The following UBP1 variants were observed in gnomAD, a reference collection of about 807,000 sequenced individuals.
UBP1 encodes the protein upstream-binding protein 1.
UBP1 carries 22 observed loss-of-function variants against 76.1 expected under a neutral mutation model. That is an observed-to-expected ratio of 0.29 (90% CI 0.21 to 0.41). UBP1 has a LOEUF of 0.41. Ranked by LOEUF, UBP1 falls within the 10% of genes least tolerant of loss-of-function variation. UBP1 has a pLI of 1.00. For missense variants in UBP1, 436 were observed against 668.1 expected (o/e 0.65, Z 3.83); for synonymous variants, 224 against 237.1 (o/e 0.94, Z 0.51).
intron 1 of UBP1, among the ~76,000 whole-genome samples, chr3:33,437,253 G>T (rs1487627008): frequency 6.6e-6 from 1 of 151,576 alleles, no homozygotes; most frequent in Non-Finnish European, 1.5e-5. Context: ...AGAGAAAGGG[G>T]TGGGGGGAAA....
intron 3 of UBP1, chr3:33,415,988 T>C (rs1443562793): frequency 2.0e-5 from 3 of 152,198 alleles, no homozygotes. Context: ...ACCACAAGGC[T>C]GCCCTTCCCA....
In UBP1 at chr3:33,389,389, CAAT is replaced by C. The variant is rs1239956588; in HGVS notation, c.*939_*941del. ...TTAACACCTAGTCAGAAGCTATCAA[CAAT>C]AATACTTTCTCCCCCTACTTGGGTC... On this transcript the variant is annotated 3_prime_UTR_variant, in exon 16 of 16. Transcript: ENST00000283629. The C allele has an allele frequency of 7.4e-6, 1 of 134,906 alleles. No individual in the cohort carries two copies. Among genetic ancestry groups the C allele is most frequent in the African/African-American group, 2.8e-5 (1 of 35,920 alleles). 8.4% of individuals were successfully genotyped at this position (134,906 alleles called of 1,614,324 possible). A position where few individuals can be genotyped will look rare whatever the true frequency, so the allele number is the denominator to read the frequency against.
At chr3:33,415,636 A>C (rs1376086758) in intron 3 of UBP1, among the ~76,000 whole-genome samples, 3 of 152,170 alleles carry the variant, frequency 2.0e-5, no homozygotes, top group Non-Finnish European at 4.4e-5. Context: ...AAATTGTTCT[A>C]ACATTTTTGG....
intron 2 of UBP1, among the ~76,000 whole-genome samples, chr3:33,420,995 T>C (rs2154058741): frequency 6.6e-6 from 1 of 152,316 alleles, no homozygotes; most frequent in South Asian, 2.1e-4. Context: ...AGAAATTCTT[T>C]TCATTTGAAG....
At chr3:33,396,757 T>G (rs1284456149) in intron 12 of UBP1, 2 of 589,724 alleles carry the variant, frequency 3.4e-6, no homozygotes, top group South Asian at 3.0e-5. Context: ...AAATTAGAAG[T>G]TTTGTTTTCT....
At chr3:33,414,699 G>A (rs1281426870) in intron 3 of UBP1, among the ~76,000 whole-genome samples, 1 of 152,172 alleles carries the variant, frequency 6.6e-6, no homozygotes, top group African/African-American at 2.4e-5. Flanking sequence ...GTAGCAGACA[G>A]TAGCTCTTAA....
At chr3:33,393,697 G>T (rs993865457) in intron 13 of UBP1, among the ~76,000 whole-genome samples, 5 of 152,050 alleles carry the variant, frequency 3.3e-5, no homozygotes, top group Admixed American at 3.3e-4. Context: ...AACATTAACA[G>T]AAATCCCTGG....
intron 9 of UBP1, among the ~76,000 whole-genome samples, chr3:33,402,101 C>G (rs1274622211): frequency 6.6e-6 from 1 of 152,108 alleles, no homozygotes; most frequent in Non-Finnish European, 1.5e-5. Flanking sequence ...CATAATTTTC[C>G]TCCCCAACAA....
At chr3:33,433,980 G>T (rs2045159414) in intron 1 of UBP1, among the ~76,000 whole-genome samples, 1 of 151,820 alleles carries the variant, frequency 6.6e-6, no homozygotes, top group Middle Eastern at 3.4e-3. Flanking sequence ...GAAAAAAAAA[G>T]AAAAAAGCAT....
intron 2 of UBP1, 150 bp downstream of exon 2, chr3:33,425,440 G>A (rs1301010636): frequency 1.2e-6 from 1 of 855,730 alleles, no homozygotes; most frequent in Non-Finnish European, 1.7e-6. Context: ...GCTGCTCACA[G>A]TAAAATTCCT....
chr3:33,402,091 C>T (rs566585096), intron 9 of UBP1, among the ~76,000 whole-genome samples: 1 of 152,264 alleles, frequency 6.6e-6, no homozygotes, highest in Non-Finnish European at 1.5e-5. Context: ...TCTTAGCTTT[C>T]ATAATTTTCC....
At chr3:33,407,125 G>C (rs1396807316) in intron 8 of UBP1, among the ~76,000 whole-genome samples, 1 of 152,084 alleles carries the variant, frequency 6.6e-6, no homozygotes, top group Admixed American at 6.5e-5. Context: ...TTAAAAACAG[G>C]TTTTCAAGAT....
intron 13 of UBP1, among the ~76,000 whole-genome samples, chr3:33,395,764 A>AG (rs1452661235): frequency 6.6e-6 from 1 of 151,270 alleles, no homozygotes; most frequent in Non-Finnish European, 1.5e-5. Context: ...AAAAAAAAAA[A>AG]AAAAAAAAAG....
At chr3:33,410,410 T>C (rs1238130015) in intron 5 of UBP1, among the ~76,000 whole-genome samples, 2 of 152,222 alleles carry the variant, frequency 1.3e-5, no homozygotes, top group African/African-American at 4.8e-5. Context: ...ACATAACTAG[T>C]TGCCTTATAG....
At chr3:33,413,419 C>T (rs1052254077) in intron 3 of UBP1, among the ~76,000 whole-genome samples, 17 of 151,536 alleles carry the variant, frequency 1.1e-4, no homozygotes, top group African/African-American at 2.9e-4. Context: ...TGGTGGTGGG[C>T]GCCTGTAGTA....
chr3:33,397,187 T>A (rs760015736), intron 11 of UBP1, 52 bp from the exon 12 acceptor site: 1 of 1,385,922 alleles, frequency 7.2e-7, no homozygotes. Flanking sequence ...AGAACAGAAC[T>A]GCTTTACAGG....
rs1404181670 is a variant in UBP1, at chr3:33,400,171, A to T, written c.1180+18T>A. On this transcript the variant is annotated intron_variant, in intron 11 of 15. Transcript: ENST00000283629. ...ACAAAACATTCTCATGCACAGATAC[A>T]CACACACATACACATACCTGAAAAA... The T allele has an allele frequency of 1.4e-6, 2 of 1,473,114 alleles. No individual in the cohort carries two copies. Among genetic ancestry groups the T allele is most frequent in the East Asian group, 5.0e-5 (2 of 39,910 alleles). 91.3% of individuals were successfully genotyped at this position (1,473,114 alleles called of 1,614,324 possible).
chr3:33,417,318 G>A (rs901348720), intron 2 of UBP1, among the ~76,000 whole-genome samples: 7 of 144,392 alleles, frequency 4.8e-5, no homozygotes, highest in East Asian at 2.1e-4. Context: ...AACTGCTAGC[G>A]ATCACCAATC....
intron 11 of UBP1, 27 bp from the exon 12 acceptor site, chr3:33,397,162 C>G (rs1247977201): frequency 2.0e-6 from 3 of 1,526,546 alleles, no homozygotes; most frequent in Non-Finnish European, 2.7e-6. Context: ...ATATTTTTCT[C>G]AAATAAATGG....
Sources: gnomAD v4.1 joint callset for allele counts (sites outside exome capture counted in the v4.1 genomes callset) on GRCh38, gnomAD v4.1.1 for gene constraint, MANE v1.5 for transcripts, NCBI Gene and HGNC (gene_info 2026-07-23, HGNC 2026-07-21) for gene names.